HOOK3: variants seen among roughly 807,000 people sequenced by gnomAD.
The protein encoded by HOOK3 is protein Hook homolog 3.
In HOOK3, 24 loss-of-function variants were observed where a neutral mutation model predicts 116.3. The observed-to-expected ratio is 0.21, with a 90% confidence interval of 0.15 to 0.29. The LOEUF (loss-of-function observed/expected upper bound fraction) is 0.29, where lower values mean the gene tolerates loss of function less well. HOOK3 is among the 10% of genes least tolerant of loss of function. The pLI is 1.00. For synonymous variants in HOOK3, 275 were observed against 283.0 expected (o/e 0.97, Z 0.28); for missense variants, 632 against 830.2 (o/e 0.76, Z 2.93).
intron 6 of HOOK3, among the ~76,000 whole-genome samples, chr8:42,953,984 C>T (rs548094737): frequency 3.5e-4 from 54 of 152,176 alleles, no homozygotes; most frequent in African/African-American, 1.2e-3. Flanking sequence ...TTTCCTAGTA[C>T]TGAAGCATTA....
At chr8:42,946,026 A>T (rs1808219370) in intron 5 of HOOK3, among the ~76,000 whole-genome samples, 2 of 152,174 alleles carry the variant, frequency 1.3e-5, no homozygotes, top group African/African-American at 4.8e-5. Context: ...TGTTTTCTAA[A>T]AGCTGTAGTT....
In HOOK3 at chr8:43,018,530, C is replaced by T; in HGVS notation, c.*32C>T. On this transcript the variant is annotated 3_prime_UTR_variant, in exon 22 of 22. Transcript: ENST00000307602. ...TGTGCCGCTCAATCACAGACACCTG[C>T]ACCCACAACATACTTCTGTTACACA... 1 of 1,570,230 alleles carries T rather than the reference C, an allele frequency of 6.4e-7. No homozygotes were observed. Among genetic ancestry groups the T allele is most frequent in the Non-Finnish European group, 8.6e-7 (1 of 1,161,736 alleles).
chr8:42,925,484 A>G (rs1586593623), intron 2 of HOOK3, 73 bp from the exon 3 acceptor site: 3 of 952,088 alleles, frequency 3.2e-6, no homozygotes, highest in Non-Finnish European at 4.9e-6. Flanking sequence ...ATTATATGGG[A>G]TGAGATTCAA....
chr8:42,960,382 A>C (rs1355580422), intron 8 of HOOK3, among the ~76,000 whole-genome samples: 4 of 152,204 alleles, frequency 2.6e-5, no homozygotes, highest in Admixed American at 2.6e-4. Context: ...ATAGTGTTGC[A>C]GAGAGGTTAT....
At chr8:42,959,105 T>C (rs1038206949) in intron 7 of HOOK3, 126 bp from the exon 8 acceptor site, 6 of 614,352 alleles carry the variant, frequency 9.8e-6, no homozygotes, top group African/African-American at 3.7e-5. Context: ...GGATTCTTGA[T>C]TTCCTCTTGC....
chr8:42,897,569 C>T (rs1190793009), intron 1 of HOOK3, among the ~76,000 whole-genome samples: 1 of 152,238 alleles, frequency 6.6e-6, no homozygotes, highest in Admixed American at 6.5e-5. Context: ...GGCCCGGGAA[C>T]TGAAAGGACC....
At chr8:43,009,321 G>A (rs565914670) in intron 18 of HOOK3, among the ~76,000 whole-genome samples, 41 of 151,850 alleles carry the variant, frequency 2.7e-4, no homozygotes, top group African/African-American at 9.4e-4. Context: ...CAGGAGAATC[G>A]CTTGAGCCCA....
At chr8:42,994,564 A>G in intron 15 of HOOK3, 1 of 248,624 alleles carries the variant, frequency 4.0e-6, no homozygotes, top group South Asian at 4.1e-5. Flanking sequence ...TCACTGACCC[A>G]CTGGTCATTC....
At chr8:42,959,477 G>A (rs1170558571) in intron 8 of HOOK3, among the ~76,000 whole-genome samples, 163 bp downstream of exon 8, 1 of 152,010 alleles carries the variant, frequency 6.6e-6, no homozygotes, top group Admixed American at 6.6e-5. Context: ...CCAGCACTTC[G>A]GGAGGCTGAG....
Position 42,959,298 on chromosome 8 carries a change from A to G in HOOK3, c.599A>G (p.His200Arg), listed in dbSNP as rs762515893. 2 of 1,611,308 alleles carry G rather than the reference A, an allele frequency of 1.2e-6. No homozygotes were observed. Among genetic ancestry groups the G allele is most frequent in the South Asian group, 1.1e-5 (1 of 91,030 alleles). ...SAKEEIAQRC[H>R]ELDMQVAALQ... Reference sequence around the variant, plus strand: ...AAGGAAGAAATTGCTCAAAGATGCCATGAACTGGATATGCAGGTAAGAGAT... The same window carrying G: ...AAGGAAGAAATTGCTCAAAGATGCCGTGAACTGGATATGCAGGTAAGAGAT... The change falls in exon 8 of 22, where the codon CAT (histidine) becomes CGT (arginine). Residue 200 changes from histidine (H) to arginine (R), a missense_variant. Physicochemically the swap from His to Arg is conservative, Grantham distance 29. Transcript: ENST00000307602.
In HOOK3 at chr8:42,906,087, C is replaced by CAAAAA; in HGVS notation, c.58-72_58-68dup. 12 of 396,062 alleles carry CAAAAA rather than the reference C, an allele frequency of 3.0e-5. No individual in the cohort carries two copies. In the East Asian group the frequency reaches 4.6e-4, roughly 15 times the overall value. The allele number at this position is 396,062 out of a possible 1,614,324, so 24.5% of individuals were successfully genotyped here. On this transcript the variant is annotated intron_variant, in intron 1 of 21. Transcript: ENST00000307602. ...GGGTGACAGGGCTAGACTCCGTCTCCAAAAAAAAAAAAAAAAAAGGCCTAA... is the reference window on the plus strand; with the variant it reads ...GGGTGACAGGGCTAGACTCCGTCTCCAAAAAAAAAAAAAAAAAAAAAAAGGCCTAA...
chr8:42,899,425 A>T (rs1807138102), intron 1 of HOOK3, among the ~76,000 whole-genome samples: 1 of 152,242 alleles, frequency 6.6e-6, no homozygotes, highest in Non-Finnish European at 1.5e-5. Context: ...GTACAGTTCT[A>T]AAATTTGGAA....
intron 14 of HOOK3, among the ~76,000 whole-genome samples, chr8:42,985,258 G>T (rs1040777434): frequency 7.2e-5 from 11 of 152,088 alleles, no homozygotes; most frequent in Admixed American, 7.2e-4. Flanking sequence ...GATATACAGA[G>T]AAGTATATTT....
Position 42,923,080 on chromosome 8 carries a change from A to G in HOOK3, c.144-2477A>G, listed in dbSNP as rs149693258. ...AATAGGCTTTTTTCCCAGAGAGGATATACAATGGCCAATAAGCACATGTGA... is the reference window on the plus strand; with the variant it reads ...AATAGGCTTTTTTCCCAGAGAGGATGTACAATGGCCAATAAGCACATGTGA... On this transcript the variant is annotated intron_variant, in intron 2 of 21. Coordinates refer to ENST00000307602, the MANE Select transcript of HOOK3 (RefSeq NM_032410.4). Among the ~76,000 whole-genome samples, 9 of 152,340 alleles carry G rather than the reference A, an allele frequency of 5.9e-5. No individual in the cohort carries two copies. In the East Asian group the frequency reaches 1.7e-3, roughly 29 times the overall value.
At chr8:42,985,626 C>T (rs763256898) in intron 14 of HOOK3, among the ~76,000 whole-genome samples, 12 of 151,956 alleles carry the variant, frequency 7.9e-5, no homozygotes, top group South Asian at 6.2e-4. Context: ...GAAAAATATA[C>T]GGTCCATGTT....
chr8:42,955,505 A>C (rs1273619280), intron 6 of HOOK3, among the ~76,000 whole-genome samples: 2 of 152,230 alleles, frequency 1.3e-5, no homozygotes, highest in Non-Finnish European at 2.9e-5. Context: ...AGTCATAGAA[A>C]GACATGAAAT....
chr8:42,954,360 C>A (rs1808398033), intron 6 of HOOK3, among the ~76,000 whole-genome samples: 1 of 151,858 alleles, frequency 6.6e-6, no homozygotes, highest in Non-Finnish European at 1.5e-5. Flanking sequence ...TGAACCTATC[C>A]CAAAGAATTA....
intron 2 of HOOK3, among the ~76,000 whole-genome samples, chr8:42,914,840 G>A (rs1351998647): frequency 2.0e-5 from 3 of 152,062 alleles, no homozygotes; most frequent in African/African-American, 7.2e-5. Context: ...TTCTCCACCG[G>A]GCGCCGTGGC....
At position 43,030,216 on chromosome 8, in the gene HOOK3, G is replaced by A. The variant is rs1810004547; in HGVS notation, c.*11718G>A. ...TCTGAGGTGAATGACTTGTTACAGA[G>A]CCTCAGTAAGAAATTTCAACTAAAA... is the stretch of plus-strand genomic sequence containing the variant. On this transcript the variant is annotated 3_prime_UTR_variant, in exon 22 of 22. Coordinates refer to ENST00000307602, the MANE Select transcript of HOOK3 (RefSeq NM_032410.4). 2 of 197,866 alleles carry A rather than the reference G, an allele frequency of 1.0e-5. No homozygotes were observed. Among genetic ancestry groups the A allele is most frequent in the Admixed American group, 6.0e-5 (1 of 16,540 alleles). The allele number at this position is 197,866 out of a possible 1,614,324, so 12.3% of individuals were successfully genotyped here. A position where few individuals can be genotyped will look rare whatever the true frequency, so the allele number is the denominator to read the frequency against.
Sources: gnomAD v4.1 joint callset for allele counts (sites outside exome capture counted in the v4.1 genomes callset) on GRCh38, gnomAD v4.1.1 for gene constraint, MANE v1.5 for transcripts, NCBI Gene and HGNC (gene_info 2026-07-23, HGNC 2026-07-21) for gene names.